The following ANKS1B variants were observed in gnomAD, a reference collection of about 807,000 sequenced individuals.
The protein encoded by ANKS1B is ankyrin repeat and sterile alpha motif domain containing 1B, also known as ankyrin repeat and sterile alpha motif domain-containing protein 1B.
ANKS1B carries 36 observed loss-of-function variants against 148.3 expected under a neutral mutation model. That is an observed-to-expected ratio of 0.24 (90% CI 0.19 to 0.32). ANKS1B has a LOEUF of 0.32. ANKS1B is among the 10% of genes least tolerant of loss of function. ANKS1B has a pLI of 1.00. For synonymous variants in ANKS1B, 542 were observed against 560.8 expected, an observed-to-expected ratio of 0.97 and a Z score of 0.47; for missense variants, 1,157 against 1,542.6, an observed-to-expected ratio of 0.75 and a Z score of 4.19.
At chr12:99,440,523 T>C (rs1191482604) in intron 11 of ANKS1B, among the ~76,000 whole-genome samples, 1 of 151,684 alleles carries the variant, frequency 6.6e-6, no homozygotes, top group Admixed American at 6.6e-5. Flanking sequence ...TTTCAGTCAC[T>C]CTGAATTTGA....
At chr12:99,615,727 CAG>C (rs1419761079) in intron 9 of ANKS1B, among the ~76,000 whole-genome samples, 3 of 152,000 alleles carry the variant, frequency 2.0e-5, no homozygotes, top group Non-Finnish European at 4.4e-5. Flanking sequence ...CTTTGAAAAC[CAG>C]CATAAGATAA....
At position 99,429,125 on chromosome 12, in the gene ANKS1B, A is replaced by C. The variant is rs139350761; in HGVS notation, c.1575+14548T>G. On this transcript the variant is annotated intron_variant, in intron 11 of 26. Transcript: ENST00000683438. ...TTTTAAAGTACCTCCCCACAAATGT[A>C]TACACATTTCAGAAGAGAAACAAAC... 6.7e-3 allele frequency among the ~76,000 whole-genome samples: 1,024 copies of C among 152,326 alleles called. 14 individuals carry two copies. Among genetic ancestry groups the C allele is most frequent in the African/African-American group, 0.024 (987 of 41,560 alleles).
At chr12:99,889,383 C>A (rs532262090) in intron 1 of ANKS1B, among the ~76,000 whole-genome samples, 1 of 152,296 alleles carries the variant, frequency 6.6e-6, no homozygotes, top group South Asian at 2.1e-4. Flanking sequence ...TAATCCAGAG[C>A]ACCCAGAACA....
At chr12:99,558,482 T>C (rs924894498) in intron 9 of ANKS1B, among the ~76,000 whole-genome samples, 2 of 152,080 alleles carry the variant, frequency 1.3e-5, no homozygotes, top group African/African-American at 2.4e-5. Context: ...TAGTGGTCCA[T>C]GCCTGAGTAA....
At chr12:99,871,056 G>C (rs1290430108) in intron 1 of ANKS1B, among the ~76,000 whole-genome samples, 2 of 152,090 alleles carry the variant, frequency 1.3e-5, no homozygotes, top group Non-Finnish European at 2.9e-5. Context: ...TATAGTTTGA[G>C]GTCTTACATT....
intron 4 of ANKS1B, among the ~76,000 whole-genome samples, chr12:99,784,168 CTTTT>C (rs71088155): frequency 2.3e-4 from 26 of 110,860 alleles, no homozygotes; most frequent in African/African-American, 7.1e-4. Flanking sequence ...ACTGAACTTT[CTTTT>C]TTTTTTTTTT....
Position 98,916,755 on chromosome 12 carries a change from C to T in ANKS1B, c.2779-84619G>A, listed in dbSNP as rs183787034. ...AGAGATGCCATTAACCTCTCTGACCCTTAGTTTAGTTTCTTCATTGCAGAG... is the reference window on the plus strand; with the variant it reads ...AGAGATGCCATTAACCTCTCTGACCTTTAGTTTAGTTTCTTCATTGCAGAG... On this transcript the variant is annotated intron_variant, in intron 17 of 26. Coordinates refer to ENST00000683438, the MANE Select transcript of ANKS1B (RefSeq NM_001352186.2). Among the ~76,000 whole-genome samples, 328 of 152,208 alleles carry T rather than the reference C, an allele frequency of 2.2e-3. 2 individuals carry two copies. Among genetic ancestry groups the T allele is most frequent in the African/African-American group, 7.6e-3 (316 of 41,532 alleles).
intron 9 of ANKS1B, among the ~76,000 whole-genome samples, chr12:99,622,243 C>T (rs1297038638): frequency 4.0e-5 from 6 of 151,890 alleles, no homozygotes; most frequent in Admixed American, 6.6e-5. Context: ...AGCAAAAGCA[C>T]TGTTAGTAGG....
At chr12:99,164,236 T>TA (rs563787586) in intron 14 of ANKS1B, among the ~76,000 whole-genome samples, 3 of 152,096 alleles carry the variant, frequency 2.0e-5, no homozygotes, top group Non-Finnish European at 2.9e-5. Flanking sequence ...TTTTTAACTT[T>TA]AAAAAATGAG....
At chr12:99,983,322 G>GGTACT (rs2095735246) in intron 1 of ANKS1B, among the ~76,000 whole-genome samples, 1 of 152,074 alleles carries the variant, frequency 6.6e-6, no homozygotes, top group Non-Finnish European at 1.5e-5. Context: ...CTATTTCCAA[G>GGTACT]GTACTGCTGA....
At chr12:98,953,925 A>T (rs1200127447) in intron 17 of ANKS1B, among the ~76,000 whole-genome samples, 1 of 152,132 alleles carries the variant, frequency 6.6e-6, no homozygotes, top group Non-Finnish European at 1.5e-5. Context: ...GGTCCAGCTC[A>T]TGTCTCATCT....
intron 8 of ANKS1B, among the ~76,000 whole-genome samples, chr12:99,693,093 AAAG>A (rs1408663823): frequency 2.6e-5 from 4 of 152,228 alleles, no homozygotes; most frequent in Non-Finnish European, 5.9e-5. Flanking sequence ...AGGAGTTTGC[AAAG>A]GAGACTTAAA....
intron 17 of ANKS1B, among the ~76,000 whole-genome samples, chr12:98,878,728 C>T (rs2099698554): frequency 6.6e-6 from 1 of 152,148 alleles, no homozygotes; most frequent in South Asian, 2.1e-4. Flanking sequence ...ATTGATTAAA[C>T]TGACGGGAGG....
At chr12:99,764,003 C>A in intron 8 of ANKS1B, among the ~76,000 whole-genome samples, 1 of 152,216 alleles carries the variant, frequency 6.6e-6, no homozygotes, top group East Asian at 1.9e-4. Context: ...GCGAGGTATT[C>A]ATTATTTGAA....
At chr12:99,676,193 C>T (rs1599439912) in intron 8 of ANKS1B, among the ~76,000 whole-genome samples, 2 of 152,112 alleles carry the variant, frequency 1.3e-5, no homozygotes, top group East Asian at 3.8e-4. Flanking sequence ...TTTAAGTTTC[C>T]TGAGGCTTCC....
intron 9 of ANKS1B, among the ~76,000 whole-genome samples, chr12:99,543,962 CAAATA>C: frequency 6.6e-6 from 1 of 152,068 alleles, no homozygotes; most frequent in Middle Eastern, 3.4e-3. Flanking sequence ...CATAAGAAGA[CAAATA>C]AAATTGCAAC....
chr12:99,720,741 TG>T (rs1306993062), intron 8 of ANKS1B, among the ~76,000 whole-genome samples: 1 of 152,154 alleles, frequency 6.6e-6, no homozygotes, highest in Non-Finnish European at 1.5e-5. Flanking sequence ...CAGACCAACT[TG>T]GACTGTGCCC....
intron 1 of ANKS1B, among the ~76,000 whole-genome samples, chr12:99,878,731 T>G (rs2153734934): frequency 6.6e-6 from 1 of 152,298 alleles, no homozygotes; most frequent in Middle Eastern, 3.4e-3. Flanking sequence ...TATTTTTTAC[T>G]TCTTTTTTAG....
intron 12 of ANKS1B, among the ~76,000 whole-genome samples, chr12:99,265,550 AG>A (rs1309956450): frequency 6.6e-6 from 1 of 152,164 alleles, no homozygotes; most frequent in Admixed American, 6.5e-5. Flanking sequence ...ACGAGTTAGG[AG>A]AGGATCAGAA....
Sources: allele counts gnomAD v4.1 joint callset (sites outside exome capture counted in the v4.1 genomes callset), GRCh38; gene constraint gnomAD v4.1.1; transcripts MANE v1.5; gene names NCBI Gene and HGNC (gene_info 2026-07-23, HGNC 2026-07-21).